Variants in ASB5 observed in about 807,000 individuals in gnomAD.
ASB5 encodes ankyrin repeat and SOCS box protein 5.
A neutral mutation model predicts 42.1 loss-of-function variants in ASB5; 45 were observed. That is an observed-to-expected ratio of 1.07 (90% CI 0.84 to 1.37). The LOEUF (loss-of-function observed/expected upper bound fraction) is 1.37. ASB5 is among the 40% of genes most tolerant of loss of function. The pLI is 0.00. For synonymous variants in ASB5, 147 were observed against 150.6 expected, an observed-to-expected ratio of 0.98 and a Z score of 0.18; for missense variants, 402 against 399.8, an observed-to-expected ratio of 1.01 and a Z score of -0.05.
intron 1 of ASB5, among the ~76,000 whole-genome samples, chr4:176,236,307 T>C (rs1402446196): frequency 6.6e-6 from 1 of 152,200 alleles, no homozygotes; most frequent in Non-Finnish European, 1.5e-5. Flanking sequence ...GCATTCCTTC[T>C]GGACTTTAAG....
In ASB5 at chr4:176,225,955, T is replaced by C. The variant is rs770071804; in HGVS notation, c.197-614A>G. Among the ~76,000 whole-genome samples the C allele has an allele frequency of 3.7e-4, 56 of 152,214 alleles. 1 individual carries two copies. Among genetic ancestry groups the C allele is most frequent in the Non-Finnish European group, 8.8e-5 (6 of 68,030 alleles). ...AGTGACTCACTAGCAACATTTTTCT[T>C]CCAACCATTACCTTGTTGCTGCATT... On this transcript the variant is annotated intron_variant, in intron 1 of 6. Transcript: ENST00000296525.
intron 1 of ASB5, among the ~76,000 whole-genome samples, chr4:176,236,298 C>T (rs1753683030): frequency 6.6e-6 from 1 of 152,008 alleles, no homozygotes; most frequent in Non-Finnish European, 1.5e-5. Context: ...TTAATAATTG[C>T]ATTCCTTCTG....
At chr4:176,226,577 T>C (rs1753384853) in intron 1 of ASB5, among the ~76,000 whole-genome samples, 1 of 152,154 alleles carries the variant, frequency 6.6e-6, no homozygotes, top group Admixed American at 6.5e-5. Context: ...TAGGTATCTA[T>C]CTATTTATCA....
intron 1 of ASB5, among the ~76,000 whole-genome samples, chr4:176,247,335 A>G (rs369059468): frequency 1.3e-5 from 2 of 152,316 alleles, no homozygotes; most frequent in South Asian, 4.1e-4. Flanking sequence ...GAACCACAGA[A>G]ATTACTTCTA....
chr4:176,272,249 G>A (rs1754482895), upstream of ASB5, among the ~76,000 whole-genome samples: 1 of 152,178 alleles, frequency 6.6e-6, no homozygotes, highest in Admixed American at 6.5e-5. Flanking sequence ...GTAGGGTCCA[G>A]TGATTAAGAA....
chr4:176,260,792 T>A (rs1754253531), intron 1 of ASB5, among the ~76,000 whole-genome samples: 1 of 152,176 alleles, frequency 6.6e-6, no homozygotes, highest in African/African-American at 2.4e-5. Context: ...TTCTCCTTCC[T>A]CAGCCTCCCG....
In ASB5 at chr4:176,230,740, T is replaced by C. The variant is rs982191511; in HGVS notation, c.197-5399A>G. Among the ~76,000 whole-genome samples the C allele has an allele frequency of 2.0e-5, 3 of 152,326 alleles. No homozygotes were observed. The East Asian group carries it at 5.8e-4, about 29-fold the overall frequency. On this transcript the variant is annotated intron_variant, in intron 1 of 6. Coordinates refer to ENST00000296525, the MANE Select transcript of ASB5 (RefSeq NM_080874.4). ...TAAATATCTTATCTTTCAATATCAATATGCTTTATATCAGAGAGATTTACG... is the reference window on the plus strand; with the variant it reads ...TAAATATCTTATCTTTCAATATCAACATGCTTTATATCAGAGAGATTTACG...
intron 1 of ASB5, among the ~76,000 whole-genome samples, chr4:176,263,169 C>T (rs1754295939): frequency 6.6e-6 from 1 of 152,254 alleles, no homozygotes; most frequent in South Asian, 2.1e-4. Context: ...TCTCTTGAGT[C>T]TTACCATGTG....
intron 1 of ASB5, among the ~76,000 whole-genome samples, chr4:176,237,959 C>T (rs1307185589): frequency 2.0e-5 from 3 of 152,144 alleles, no homozygotes; most frequent in African/African-American, 7.2e-5. Flanking sequence ...TGGTGGCTCA[C>T]GCCTGTAATC....
chr4:176,229,085 A>C (rs1049651003), intron 1 of ASB5, among the ~76,000 whole-genome samples: 3 of 152,258 alleles, frequency 2.0e-5, no homozygotes, highest in Admixed American at 2.0e-4. Context: ...ATCAATGCCT[A>C]AATGTGTTTA....
chr4:176,227,966 T>A (rs754896956), intron 1 of ASB5, among the ~76,000 whole-genome samples: 1 of 152,154 alleles, frequency 6.6e-6, no homozygotes, highest in Non-Finnish European at 1.5e-5. Flanking sequence ...TTCATTTTAT[T>A]CTCGGCAAAA....
At chr4:176,275,356 C>T (rs978723889) in intron 2 of ASB5, among the ~76,000 whole-genome samples, 3 of 152,180 alleles carry the variant, frequency 2.0e-5, no homozygotes, top group Admixed American at 6.5e-5. Flanking sequence ...GTTTAGGATT[C>T]TAAGATTATA....
chr4:176,220,597 G>A (rs1263984056), intron 5 of ASB5, among the ~76,000 whole-genome samples: 1 of 152,132 alleles, frequency 6.6e-6, no homozygotes, highest in Non-Finnish European at 1.5e-5. Context: ...TGTTTTTCAG[G>A]GGACTAAAGC....
chr4:176,217,337 T>C (rs1753001557), intron 5 of ASB5, among the ~76,000 whole-genome samples: 3 of 152,158 alleles, frequency 2.0e-5, no homozygotes, highest in African/African-American at 7.2e-5. Context: ...AAAGTAACCA[T>C]ACTAACTACT....
At chr4:176,270,246 G>A (rs1251582339), upstream of ASB5, among the ~76,000 whole-genome samples, 1 of 152,138 alleles carries the variant, frequency 6.6e-6, no homozygotes, top group Non-Finnish European at 1.5e-5. Context: ...CCTGTTGATT[G>A]TGGTACTTGC....
intron 1 of ASB5, among the ~76,000 whole-genome samples, chr4:176,244,593 A>G (rs1560814810): frequency 6.6e-6 from 1 of 152,166 alleles, no homozygotes; most frequent in Non-Finnish European, 1.5e-5. Context: ...AAATAGCCAA[A>G]CTGTAAACAG....
At position 176,216,697 on chromosome 4, in the gene ASB5, C is replaced by G. The variant is rs113131562; in HGVS notation, c.862+121G>C. On this transcript the variant is annotated intron_variant, in intron 6 of 6. Coordinates refer to ENST00000296525, the MANE Select transcript of ASB5 (RefSeq NM_080874.4). Reference sequence around the variant, plus strand: ...CTAAGTTAAAAATCATCTACTTTCACAAATAATATTCCACATTTTATGCCA... The same window carrying G: ...CTAAGTTAAAAATCATCTACTTTCAGAAATAATATTCCACATTTTATGCCA... The G allele has an allele frequency of 1.4e-4, 117 of 861,414 alleles. 3 individuals are homozygous for G. In the African/African-American group the frequency reaches 1.7e-3, roughly 12 times the overall value. The allele number at this position is 861,414 out of a possible 1,614,324, so 53.4% of individuals were successfully genotyped here.
upstream of ASB5, among the ~76,000 whole-genome samples, chr4:176,272,814 C>G (rs1366164312): frequency 1.3e-5 from 2 of 152,044 alleles, no homozygotes; most frequent in Non-Finnish European, 2.9e-5. Context: ...TTTGACTTAG[C>G]TACAGTATTG....
chr4:176,239,485 C>A (rs1376343920), intron 1 of ASB5, among the ~76,000 whole-genome samples: 1 of 152,026 alleles, frequency 6.6e-6, no homozygotes, highest in African/African-American at 2.4e-5. Context: ...AGTACTGTGA[C>A]AATTTTTGTT....
Sources: allele counts gnomAD v4.1 joint callset (sites outside exome capture counted in the v4.1 genomes callset), GRCh38; gene constraint gnomAD v4.1.1; transcripts MANE v1.5; gene names NCBI Gene and HGNC (gene_info 2026-07-23, HGNC 2026-07-21).